RERG: variants seen among roughly 807,000 people sequenced by gnomAD.
RERG encodes the protein RAS like estrogen regulated growth inhibitor, also known as ras-related and estrogen-regulated growth inhibitor.
A neutral mutation model predicts 23.2 loss-of-function variants in RERG; 25 were observed. The ratio of observed to expected loss-of-function variants is 1.08; its 90% CI spans 0.79 to 1.50. The LOEUF is 1.50. RERG is among the 40% of genes most tolerant of loss of function. RERG has a pLI of 0.00. For synonymous variants in RERG, 81 were observed against 89.1 expected, an observed-to-expected ratio of 0.91 and a Z score of 0.51; for missense variants, 253 against 250.1, an observed-to-expected ratio of 1.01 and a Z score of -0.08.
At chr12:15,184,028 C>T (rs979616421) in intron 2 of RERG, among the ~76,000 whole-genome samples, 1 of 152,164 alleles carries the variant, frequency 6.6e-6, no homozygotes, top group Non-Finnish European at 1.5e-5. Flanking sequence ...ATGCATTCTA[C>T]ATCCCTGTCA....
At chr12:15,143,876 C>T (rs1864284861) in intron 2 of RERG, among the ~76,000 whole-genome samples, 2 of 152,172 alleles carry the variant, frequency 1.3e-5, no homozygotes, top group South Asian at 2.1e-4. Context: ...TAGGCAAAGA[C>T]CCAAAGCAGG....
chr12:15,176,920 T>C (rs909443194), intron 2 of RERG, among the ~76,000 whole-genome samples: 2 of 152,210 alleles, frequency 1.3e-5, no homozygotes. Context: ...ACATACACTT[T>C]TTTAAATATT....
chr12:15,110,463 CTTTTTTTTTTTT>C (rs869218147), intron 4 of RERG, among the ~76,000 whole-genome samples: 7 of 73,084 alleles, frequency 9.6e-5, no homozygotes, highest in African/African-American at 1.8e-4. Flanking sequence ...CCATTTTTTT[CTTTTTTTTTTTT>C]TTTTTTTTTT....
intron 2 of RERG, among the ~76,000 whole-genome samples, chr12:15,168,032 T>G (rs1222401754): frequency 2.6e-5 from 4 of 152,232 alleles, no homozygotes; most frequent in Admixed American, 2.0e-4. Flanking sequence ...GCCTCTCATC[T>G]AATTAACCAA....
intron 2 of RERG, among the ~76,000 whole-genome samples, chr12:15,188,622 T>C (rs1335552616): frequency 6.6e-6 from 1 of 152,196 alleles, no homozygotes; most frequent in African/African-American, 2.4e-5. Flanking sequence ...AAAGATGAAC[T>C]TTTTTAAAAA....
chr12:15,110,468 T>C (rs1340146920), intron 4 of RERG, among the ~76,000 whole-genome samples: 1 of 68,878 alleles, frequency 1.5e-5, no homozygotes, highest in Non-Finnish European at 3.2e-5. Flanking sequence ...TTTTTCTTTT[T>C]TTTTTTTTTT....
intron 2 of RERG, among the ~76,000 whole-genome samples, chr12:15,152,794 C>A (rs997000505): frequency 6.6e-6 from 1 of 151,982 alleles, no homozygotes; most frequent in Non-Finnish European, 1.5e-5. Context: ...CATGCATGTT[C>A]TTAGGTATTA....
intron 3 of RERG, among the ~76,000 whole-genome samples, chr12:15,117,769 A>C (rs1863755282): frequency 6.6e-6 from 1 of 152,030 alleles, no homozygotes; most frequent in Non-Finnish European, 1.5e-5. Flanking sequence ...GCATTCTTAG[A>C]GGGTAATATG....
rs1403530175 is a variant in RERG, at chr12:15,107,966, C to A, written c.*1144G>T. 1 of 152,212 alleles carries A rather than the reference C, an allele frequency of 6.6e-6. No homozygotes were observed. The highest frequency in any genetic ancestry group is 2.4e-5 in the African/African-American group (1 of 41,308). The allele number at this position is 152,212 out of a possible 1,614,324, so 9.4% of individuals were successfully genotyped here. The stretch of plus-strand genomic sequence containing the variant: ...TATATTTTCTACTAAAATAAAGTAC[C>A]CAAATCTTGATATATATAGGGGCAT... On this transcript the variant is annotated 3_prime_UTR_variant, in exon 5 of 5. Coordinates refer to ENST00000256953, the MANE Select transcript of RERG (RefSeq NM_032918.3).
At chr12:15,211,284 T>TACACACACACAC (rs56263472) in intron 2 of RERG, among the ~76,000 whole-genome samples, 80 of 142,872 alleles carry the variant, frequency 5.6e-4, no homozygotes, top group South Asian at 1.9e-3. Context: ...TGTCATTTTA[T>TACACACACACAC]ACACACACAC....
intron 1 of RERG, among the ~76,000 whole-genome samples, chr12:15,219,569 G>A (rs971036830): frequency 3.0e-4 from 45 of 152,184 alleles, no homozygotes; most frequent in African/African-American, 8.2e-4. Context: ...TGTCACTTTA[G>A]ATGCATTCAT....
intron 2 of RERG, among the ~76,000 whole-genome samples, chr12:15,196,710 T>C (rs1452502858): frequency 6.6e-6 from 1 of 152,146 alleles, no homozygotes; most frequent in African/African-American, 2.4e-5. Context: ...ACTTTAGAAG[T>C]GGTGATTCTA....
chr12:15,203,864 A>G (rs1178560285), intron 2 of RERG, among the ~76,000 whole-genome samples: 2 of 151,706 alleles, frequency 1.3e-5, no homozygotes, highest in Non-Finnish European at 3.0e-5. Flanking sequence ...AAACTTAACC[A>G]AGGAGTTGAA....
intron 2 of RERG, among the ~76,000 whole-genome samples, chr12:15,166,532 G>A (rs534302637): frequency 1.2e-3 from 175 of 151,020 alleles, no homozygotes; most frequent in Middle Eastern, 0.01. Context: ...GATGGTGGTG[G>A]TGGTGGTGGT....
intron 2 of RERG, among the ~76,000 whole-genome samples, chr12:15,205,917 C>G (rs916374445): frequency 2.6e-5 from 4 of 151,966 alleles, no homozygotes; most frequent in Non-Finnish European, 5.9e-5. Flanking sequence ...TTTCCAAATA[C>G]TGGGGAAAGA....
intron 2 of RERG, among the ~76,000 whole-genome samples, chr12:15,148,553 A>C (rs920855829): frequency 5.9e-5 from 9 of 152,232 alleles, no homozygotes; most frequent in African/African-American, 2.2e-4. Flanking sequence ...CCATGTAAGC[A>C]TAGGAAACTT....
intron 2 of RERG, among the ~76,000 whole-genome samples, chr12:15,173,519 A>T (rs541402358): frequency 5.9e-5 from 9 of 152,090 alleles, no homozygotes; most frequent in South Asian, 2.1e-4. Flanking sequence ...AGATAAAAAA[A>T]TTTTTATAGG....
Position 15,172,890 on chromosome 12 carries a change from T to A in RERG, c.61+44539A>T, listed in dbSNP as rs566351335. Among the ~76,000 whole-genome samples the A allele has an allele frequency of 7.1e-4, 108 of 152,194 alleles. 1 individual carries two copies. The South Asian group carries it at 0.022, about 31-fold the overall frequency. Reference sequence around the variant, plus strand: ...TTCTGGCTACAAATCCCTTCTCATATATTTGATTTGAAAGTGTTTTCTTCC... The same window carrying A: ...TTCTGGCTACAAATCCCTTCTCATAAATTTGATTTGAAAGTGTTTTCTTCC... On this transcript the variant is annotated intron_variant, in intron 2 of 4. Coordinates refer to ENST00000256953, the MANE Select transcript of RERG (RefSeq NM_032918.3).
chr12:15,195,101 T>TA (rs1189096095), intron 2 of RERG, among the ~76,000 whole-genome samples: 1 of 152,122 alleles, frequency 6.6e-6, no homozygotes, highest in African/African-American at 2.4e-5. Context: ...GTGGCTTGAA[T>TA]AAAGCCCTTC....
Sources: gnomAD v4.1 joint callset for allele counts (sites outside exome capture counted in the v4.1 genomes callset) on GRCh38, gnomAD v4.1.1 for gene constraint, MANE v1.5 for transcripts, NCBI Gene and HGNC (gene_info 2026-07-23, HGNC 2026-07-21) for gene names.